The following GRK5 variants were observed in gnomAD, a reference collection of about 807,000 sequenced individuals.
GRK5 encodes G protein-coupled receptor kinase 5.
GRK5 carries 40 observed loss-of-function variants against 78.4 expected under a neutral mutation model. The ratio of observed to expected loss-of-function variants is 0.51; its 90% CI spans 0.40 to 0.66. The LOEUF (loss-of-function observed/expected upper bound fraction) is 0.66. Ranked by LOEUF, GRK5 falls within the 30% of genes least tolerant of loss-of-function variation. The probability of loss-of-function intolerance (pLI) is 0.00; values close to 1 mark genes in which losing one functional copy is unlikely to be tolerated. For missense variants in GRK5, 598 were observed against 759.9 expected, an observed-to-expected ratio of 0.79 and a Z score of 2.50; for synonymous variants, 289 against 296.8, an observed-to-expected ratio of 0.97 and a Z score of 0.27.
Position 119,380,849 on chromosome 10 carries a change from A to G in GRK5, c.183A>G (p.Pro61=). 6.2e-7 allele frequency: 1 copy of G among 1,612,806 alleles called. No homozygotes were observed. Among genetic ancestry groups the G allele is most frequent in the East Asian group, 2.2e-5 (1 of 44,862 alleles). ...RDYCSLCDKQ[P]IGRLLFRQFC... ...ACTGCAGTTTATGTGACAAGCAGCC[A>G]ATCGGGAGGCTGCTTTTCCGGCAGT... The change falls in exon 3 of 16, where the codon CCA becomes CCG. Residue 61 remains proline, a synonymous_variant. Transcript: ENST00000392870.
chr10:119,395,514 TGTA>T (rs1174943381), intron 3 of GRK5, among the ~76,000 whole-genome samples: 5 of 152,226 alleles, frequency 3.3e-5, no homozygotes, highest in African/African-American at 7.2e-5. Context: ...TTGAAATAGC[TGTA>T]CTTTTGGACA....
At chr10:119,272,695 G>A (rs1849604759) in intron 1 of GRK5, among the ~76,000 whole-genome samples, 2 of 152,222 alleles carry the variant, frequency 1.3e-5, no homozygotes, top group African/African-American at 4.8e-5. Flanking sequence ...CTTGGGCGGG[G>A]CCTAGCACAG....
intron 4 of GRK5, among the ~76,000 whole-genome samples, chr10:119,404,705 G>A (rs748989560): frequency 3.5e-4 from 53 of 152,246 alleles, no homozygotes; most frequent in Non-Finnish European, 7.1e-4. Context: ...CCCACTGCCT[G>A]TTGGAAAGAT....
intron 1 of GRK5, among the ~76,000 whole-genome samples, chr10:119,326,227 G>A (rs1850674501): frequency 6.6e-6 from 1 of 152,258 alleles, no homozygotes; most frequent in African/African-American, 2.4e-5. Context: ...GTCTAGTCTA[G>A]GGGAACAGCC....
chr10:119,443,891 G>A, intron 12 of GRK5, 139 bp downstream of exon 12: 1 of 736,332 alleles, frequency 1.4e-6, no homozygotes, highest in Non-Finnish European at 2.2e-6. Flanking sequence ...AGCCCACCAA[G>A]CTAGAGTTGA....
chr10:119,424,420 G>T (rs986901703), intron 5 of GRK5, among the ~76,000 whole-genome samples: 5 of 152,120 alleles, frequency 3.3e-5, no homozygotes, highest in African/African-American at 1.2e-4. Context: ...GCATCCCAGG[G>T]CTCGGCCTGG....
rs529866150 is a variant in GRK5 at position 119,284,626 on chromosome 10, G to A, written c.53-41890G>A. Among the ~76,000 whole-genome samples the A allele has an allele frequency of 5.8e-4, 88 of 152,332 alleles. No individual in the cohort carries two copies. The East Asian group carries it at 6.9e-3, about 12-fold the overall frequency. On this transcript the variant is annotated intron_variant, in intron 1 of 15. Coordinates refer to ENST00000392870, the MANE Select transcript of GRK5 (RefSeq NM_005308.3). ...AGCTTCTGTGTCCAGGGGCTTTGGC[G>A]CAGAACAGGCTGCTGTGGCCTCTCA...
chr10:119,398,385 T>C (rs915110), intron 4 of GRK5, among the ~76,000 whole-genome samples: 128,864 of 151,612 alleles, frequency 0.85, 54,887 homozygotes, highest in East Asian at 1. Context: ...GCCTCCGAGA[T>C]GTCTCTGATG....
intron 15 of GRK5, among the ~76,000 whole-genome samples, chr10:119,454,443 C>T (rs1055682957): frequency 1.3e-5 from 2 of 152,210 alleles, no homozygotes; most frequent in East Asian, 1.9e-4. Flanking sequence ...TTGCCTCCCT[C>T]CTCCTCCCCT....
At chr10:119,244,115 C>T (rs1270934707) in intron 1 of GRK5, among the ~76,000 whole-genome samples, 1 of 152,208 alleles carries the variant, frequency 6.6e-6, no homozygotes, top group East Asian at 1.9e-4. Flanking sequence ...TCAGCTCTGC[C>T]ATTGTAGTTT....
At chr10:119,443,788 G>A (rs1372087013) in intron 12 of GRK5, 36 bp downstream of exon 12, 2 of 1,543,454 alleles carry the variant, frequency 1.3e-6, no homozygotes, top group African/African-American at 2.7e-5. Context: ...CCCTCAAGCT[G>A]GTGGCTCCCC....
chr10:119,380,870 G>C lies in GRK5; in HGVS notation c.204G>C (p.Arg68=), dbSNP rs1225070005. 6.2e-7 allele frequency: 1 copy of C among 1,613,628 alleles called. No homozygotes were observed. Among genetic ancestry groups the C allele is most frequent in the African/African-American group, 1.3e-5 (1 of 75,050 alleles). Residue 68 remains arginine, a synonymous_variant, in exon 3 of 16, where the codon CGG becomes CGC. Coordinates refer to ENST00000392870, the MANE Select transcript of GRK5 (RefSeq NM_005308.3). ...AGCCAATCGGGAGGCTGCTTTTCCG[G>C]CAGTTTTGTGAAACCAGGCCTGGGC... is the stretch of plus-strand genomic sequence containing the variant. ...DKQPIGRLLF[R]QFCETRPGLE...
chr10:119,278,007 G>T (rs957176208), intron 1 of GRK5, among the ~76,000 whole-genome samples: 3 of 152,214 alleles, frequency 2.0e-5, no homozygotes, highest in African/African-American at 7.2e-5. Context: ...GCGCAGGTGG[G>T]TTGTTTCTAG....
chr10:119,238,695 G>T lies in GRK5; in HGVS notation c.52+30726G>T, dbSNP rs1462875461. Among the ~76,000 whole-genome samples, 2 of 152,150 alleles carry T rather than the reference G, an allele frequency of 1.3e-5. No individual in the cohort carries two copies. Among genetic ancestry groups the T allele is most frequent in the Non-Finnish European group, 2.9e-5 (2 of 68,030 alleles). ...TTACTTAAAAGTGAACTGCACGGGG[G>T]TTGACTCTTTCAAGGCCTGAGATTG... On this transcript the variant is annotated intron_variant, in intron 1 of 15. Transcript: ENST00000392870. The surrounding 1 kb of genome is among the most constrained non-coding windows in gnomAD (Gnocchi z 4.7).
At chr10:119,432,898 C>T (rs1852847093) in intron 8 of GRK5, among the ~76,000 whole-genome samples, 1 of 152,162 alleles carries the variant, frequency 6.6e-6, no homozygotes, top group Non-Finnish European at 1.5e-5. Flanking sequence ...TGGCAAAACC[C>T]CATTTCTACT....
At chr10:119,269,267 G>A (rs1589713157) in intron 1 of GRK5, among the ~76,000 whole-genome samples, 2 of 152,162 alleles carry the variant, frequency 1.3e-5, no homozygotes, top group African/African-American at 4.8e-5. Context: ...GTGACTTGCT[G>A]GAGAACAAAC....
At chr10:119,287,075 A>C (rs1411462624) in intron 1 of GRK5, among the ~76,000 whole-genome samples, 2 of 145,632 alleles carry the variant, frequency 1.4e-5, no homozygotes, top group Non-Finnish European at 3.0e-5. Context: ...GAAGGAAGAA[A>C]GGAAGGGAGG....
At chr10:119,300,919 G>GT (rs1850169236) in intron 1 of GRK5, among the ~76,000 whole-genome samples, 2 of 151,964 alleles carry the variant, frequency 1.3e-5, no homozygotes, top group African/African-American at 4.8e-5. Context: ...GTAAAACCCC[G>GT]TATCAACTAA....
intron 1 of GRK5, among the ~76,000 whole-genome samples, chr10:119,299,816 GTGTGTGTT>G: frequency 6.8e-6 from 1 of 146,970 alleles, no homozygotes; most frequent in East Asian, 2.0e-4. Context: ...GTGTGTGTGT[GTGTGTGTT>G]TAATACACTT....
Sources: gnomAD v4.1 joint callset for allele counts (sites outside exome capture counted in the v4.1 genomes callset) on GRCh38, gnomAD v4.1.1 for gene constraint, Gnocchi (gnomAD v3.1) non-coding constraint, MANE v1.5 for transcripts, NCBI Gene and HGNC (gene_info 2026-07-23, HGNC 2026-07-21) for gene names.